TDRD9: variants seen among roughly 807,000 people sequenced by gnomAD.
TDRD9 encodes the protein ATP-dependent RNA helicase TDRD9.
Under a neutral mutation model 172.6 loss-of-function variants are expected in TDRD9, and 124 were observed. That is an observed-to-expected ratio of 0.72 (90% confidence interval 0.62 to 0.83). The LOEUF is 0.83. Among genes scored for constraint, TDRD9 ranks in the 40% least tolerant of loss-of-function variants. TDRD9 has a pLI of 0.00. For synonymous variants in TDRD9, 619 were observed against 617.1 expected (o/e 1.00, Z -0.05); for missense variants, 1,479 against 1,714.1 (o/e 0.86, Z 2.42).
chr14:103,941,410 T>G (rs1163232256), intron 1 of TDRD9: 2 of 1,534,580 alleles, frequency 1.3e-6, no homozygotes, highest in East Asian at 2.4e-5. Context: ...CTGAGAATAG[T>G]TCCAGTTTGG....
intron 8 of TDRD9, among the ~76,000 whole-genome samples, chr14:103,990,494 A>G (rs1006588450): frequency 1.8e-4 from 27 of 152,204 alleles, no homozygotes; most frequent in Non-Finnish European, 3.2e-4. Context: ...AGAGCACTCC[A>G]TACATGCACC....
intron 32 of TDRD9, among the ~76,000 whole-genome samples, chr14:104,038,477 T>C (rs2035517957): frequency 6.6e-6 from 1 of 152,226 alleles, no homozygotes; most frequent in African/African-American, 2.4e-5. Context: ...GTGTTCCCAA[T>C]GTTGGGGCCT....
chr14:104,006,096 C>G (rs2034428990), intron 15 of TDRD9, among the ~76,000 whole-genome samples: 1 of 152,080 alleles, frequency 6.6e-6, no homozygotes, highest in South Asian at 2.1e-4. Flanking sequence ...AGATCCTTCA[C>G]TTAGTACTGT....
Position 104,033,946 on chromosome 14 carries a change from C to G in TDRD9, c.3510-14C>G. 1 of 1,517,516 alleles carries G rather than the reference C, an allele frequency of 6.6e-7. No homozygotes were observed. Among genetic ancestry groups the G allele is most frequent in the East Asian group, 2.5e-5 (1 of 40,536 alleles). The allele number at this position is 1,517,516 out of a possible 1,614,324, so 94.0% of individuals were successfully genotyped here. A position where few individuals can be genotyped will look rare whatever the true frequency, so the allele number is the denominator to read the frequency against. ...GGATCAGTCACCCCATCTCCTGGTG[C>G]TCCTGCCTTTTAGGTGTGTTTGGAT... On this transcript the variant is annotated splice_polypyrimidine_tract_variant and intron_variant, in intron 30 of 35. Transcript: ENST00000409874.
intron 32 of TDRD9, among the ~76,000 whole-genome samples, chr14:104,038,359 G>A (rs1011330558): frequency 2.6e-5 from 4 of 152,200 alleles, no homozygotes; most frequent in African/African-American, 7.2e-5. Context: ...TGGGTTTTCT[G>A]GCTACTGTGG....
At chr14:104,049,124 G>C (rs111385497) in intron 34 of TDRD9, among the ~76,000 whole-genome samples, 11 of 140,658 alleles carry the variant, frequency 7.8e-5, no homozygotes, top group Non-Finnish European at 1.4e-4. Flanking sequence ...GTATGTATGT[G>C]TGTGTGTGTG....
chr14:104,028,447 G>A (rs1216487906), intron 28 of TDRD9, among the ~76,000 whole-genome samples: 1 of 152,130 alleles, frequency 6.6e-6, no homozygotes, highest in African/African-American at 2.4e-5. Context: ...AATTAGTGAT[G>A]TTGATCATTT....
At chr14:103,951,559 G>T (rs1021878268) in intron 1 of TDRD9, among the ~76,000 whole-genome samples, 1 of 152,144 alleles carries the variant, frequency 6.6e-6, no homozygotes, top group Non-Finnish European at 1.5e-5. Context: ...AAAGGGAAAT[G>T]AAGTATAAAT....
At chr14:103,941,171 T>C in intron 1 of TDRD9, 1 of 1,255,048 alleles carries the variant, frequency 8.0e-7, no homozygotes, top group Non-Finnish European at 1.1e-6. Context: ...ATCTCCAAAA[T>C]ACAGCTTGAA....
intron 20 of TDRD9, 85 bp downstream of exon 20, chr14:104,008,551 C>T (rs745803849): frequency 4.8e-5 from 43 of 896,710 alleles, no homozygotes; most frequent in Non-Finnish European, 7.1e-5. Context: ...TTATTAAGTA[C>T]GTGGGTAGTA....
chr14:104,044,815 TA>T (rs138376690), intron 34 of TDRD9, among the ~76,000 whole-genome samples: 4,604 of 152,214 alleles, frequency 0.03, 148 homozygotes, highest in African/African-American at 0.081. Flanking sequence ...GTGGAGTTGG[TA>T]GGTTGTATTG....
At chr14:104,032,466 A>G (rs952064970) in intron 30 of TDRD9, among the ~76,000 whole-genome samples, 2 of 152,126 alleles carry the variant, frequency 1.3e-5, no homozygotes, top group African/African-American at 2.4e-5. Context: ...CGGCCTCCCA[A>G]AGTGCTGGGA....
intron 1 of TDRD9, among the ~76,000 whole-genome samples, chr14:103,929,581 G>A (rs1368942466): frequency 6.6e-6 from 1 of 151,120 alleles, no homozygotes; most frequent in Non-Finnish European, 1.5e-5. Context: ...GTGGAGTGGC[G>A]CCATCTCGCC....
intron 1 of TDRD9, chr14:103,941,423 A>C: frequency 6.5e-7 from 1 of 1,535,110 alleles, no homozygotes; most frequent in Non-Finnish European, 8.7e-7. Context: ...CAGTTTGGCA[A>C]GGTTGAACTT....
chr14:103,976,084 C>T (rs897698978), intron 7 of TDRD9, among the ~76,000 whole-genome samples: 2 of 152,224 alleles, frequency 1.3e-5, no homozygotes, highest in East Asian at 1.9e-4. Flanking sequence ...TTTCTCCTTC[C>T]GTGAGATCAG....
chr14:103,971,070 G>A (rs1176493884), intron 6 of TDRD9, among the ~76,000 whole-genome samples: 2 of 151,376 alleles, frequency 1.3e-5, no homozygotes, highest in African/African-American at 2.4e-5. Flanking sequence ...TGCAAGCTCC[G>A]CCTCCTGGGT....
At position 103,975,392 on chromosome 14, in the gene TDRD9, G is replaced by A; in HGVS notation, c.850G>A (p.Val284Ile). 5.6e-6 allele frequency: 9 copies of A among 1,612,890 alleles called. No homozygotes were observed. Among genetic ancestry groups the A allele is most frequent in the Admixed American group, 1.7e-5 (1 of 59,958 alleles). Residue 284 changes from valine to isoleucine, a missense_variant, in exon 7 of 36, where the codon GTC (valine) becomes ATC (isoleucine). Transcript: ENST00000409874. ...AATGTTTTCTCTTACTCTGTAGGTG[G>A]TCCTGATGTCGGCTACCATCAGCTG... Reference protein sequence around the residue: ...LRTNSRFVKVVLMSATISCKE... With the variant: ...LRTNSRFVKVILMSATISCKE...
intron 8 of TDRD9, among the ~76,000 whole-genome samples, chr14:103,987,121 TATAC>T (rs1206660172): frequency 1.3e-3 from 162 of 126,428 alleles, no homozygotes; most frequent in East Asian, 0.01. Context: ...TCAAAAAATA[TATAC>T]ACACACACAC....
At chr14:103,956,306 C>T (rs563424418) in intron 2 of TDRD9, among the ~76,000 whole-genome samples, 46 of 150,046 alleles carry the variant, frequency 3.1e-4, no homozygotes, top group African/African-American at 5.2e-4. Context: ...GGTGTGGTGG[C>T]GTGTGCCTGT....
Sources: allele counts gnomAD v4.1 joint callset (sites outside exome capture counted in the v4.1 genomes callset), GRCh38; gene constraint gnomAD v4.1.1; transcripts MANE v1.5; gene names NCBI Gene and HGNC (gene_info 2026-07-23, HGNC 2026-07-21).